Variants in SLC7A1 observed in about 807,000 individuals in gnomAD.
SLC7A1 encodes the protein solute carrier family 7 member 1.
SLC7A1 carries 10 observed loss-of-function variants against 53.9 expected under a neutral mutation model. That is an observed-to-expected ratio of 0.19 (90% CI 0.11 to 0.31). SLC7A1 has a LOEUF of 0.31. Among genes scored for constraint, SLC7A1 ranks in the 10% least tolerant of loss-of-function variants. The pLI is 1.00. For synonymous variants in SLC7A1, 342 were observed against 338.7 expected, an observed-to-expected ratio of 1.01 and a Z score of -0.11; for missense variants, 525 against 827.2, an observed-to-expected ratio of 0.63 and a Z score of 4.48.
At chr13:29,576,496 C>T (rs1871421031) in intron 1 of SLC7A1, among the ~76,000 whole-genome samples, 1 of 152,092 alleles carries the variant, frequency 6.6e-6, no homozygotes, top group Non-Finnish European at 1.5e-5. Flanking sequence ...TCCCTACATT[C>T]CAAAGGCTGA....
At chr13:29,541,468 C>A (rs1869664223) in intron 2 of SLC7A1, among the ~76,000 whole-genome samples, 1 of 152,166 alleles carries the variant, frequency 6.6e-6, no homozygotes, top group African/African-American at 2.4e-5. Context: ...GAGTCTGGTA[C>A]AATGGTAGAC....
Position 29,514,565 on chromosome 13 carries a change from C to G in SLC7A1, c.1805G>C (p.Gly602Ala). The G allele has an allele frequency of 6.2e-7, 1 of 1,609,908 alleles. No individual in the cohort carries two copies. The highest frequency in any genetic ancestry group is 8.5e-7 in the Non-Finnish European group (1 of 1,179,558). The change falls in exon 13 of 13, where the codon GGC (glycine) becomes GCC (alanine). Residue 602 changes from glycine to alanine, a missense_variant. Physicochemically the swap from Gly to Ala is moderately conservative, Grantham distance 60. Transcript: ENST00000380752. Reference sequence around the variant, plus strand: ...CTCCTCGCTGTGCCACAGGCCATAGCCAAAGTAGATGATGAAGCCTGCGGG... The same window carrying G: ...CTCCTCGCTGTGCCACAGGCCATAGGCAAAGTAGATGATGAAGCCTGCGGG... ...WMLIGFIIYF[G>A]YGLWHSEEAS...
chr13:29,538,903 G>C (rs1224549159), intron 2 of SLC7A1, among the ~76,000 whole-genome samples: 1 of 151,886 alleles, frequency 6.6e-6, no homozygotes, highest in Admixed American at 6.6e-5. Flanking sequence ...GAAAGCTCTT[G>C]TTTCGGATCT....
intron 1 of SLC7A1, among the ~76,000 whole-genome samples, chr13:29,556,243 C>G (rs1350290797): frequency 6.6e-6 from 1 of 152,094 alleles, no homozygotes; most frequent in Non-Finnish European, 1.5e-5. Flanking sequence ...AACAATGCCA[C>G]TCTTCTCACT....
At position 29,510,627 on chromosome 13, in the gene SLC7A1, C is replaced by T. The variant is rs545688945; in HGVS notation, c.*3853G>A. ...CACCACCCTGCAATTTCCCCGTCCT[C>T]GGAACTGTCTCACGAGACCACCAGC... On this transcript the variant is annotated 3_prime_UTR_variant, in exon 13 of 13. Coordinates refer to ENST00000380752, the MANE Select transcript of SLC7A1 (RefSeq NM_003045.5). 1.3e-5 allele frequency: 2 copies of T among 152,302 alleles called. No homozygotes were observed. The highest frequency in any genetic ancestry group is 1.3e-4 in the Admixed American group (2 of 15,288). 9.4% of individuals were successfully genotyped at this position (152,302 alleles called of 1,614,324 possible).
At chr13:29,522,480 G>A (rs761321477) in intron 7 of SLC7A1, 24 bp from the exon 8 acceptor site, 44 of 1,613,714 alleles carry the variant, frequency 2.7e-5, no homozygotes, top group Middle Eastern at 1.6e-4. Context: ...GGCAAACCGC[G>A]TGAGTGAACC....
intron 11 of SLC7A1, among the ~76,000 whole-genome samples, chr13:29,516,509 A>T (rs2139067128): frequency 1.3e-5 from 2 of 152,270 alleles, no homozygotes; most frequent in East Asian, 3.9e-4. Flanking sequence ...CTCCATTCTC[A>T]TTTTTCTCTG....
chr13:29,562,953 C>T (rs1489553757), intron 1 of SLC7A1, among the ~76,000 whole-genome samples: 1 of 152,232 alleles, frequency 6.6e-6, no homozygotes, highest in African/African-American at 2.4e-5. Context: ...ATGATTCATC[C>T]TTCCTTTGAG....
chr13:29,514,293 G>A lies in SLC7A1; in HGVS notation c.*187C>T, dbSNP rs1333464783. The A allele has an allele frequency of 3.4e-5, 20 of 591,778 alleles. No homozygotes were observed. In the Admixed American group the frequency reaches 4.2e-4, roughly 13 times the overall value. 36.7% of individuals were successfully genotyped at this position (591,778 alleles called of 1,614,324 possible). A position where few individuals can be genotyped will look rare whatever the true frequency, so the allele number is the denominator to read the frequency against. Reference sequence around the variant, plus strand: ...AGGCAGCTGTCTGGAGGTGACCAGGGCCCGGAGAACCGGCTGCAGAGCCGA... The same window carrying A: ...AGGCAGCTGTCTGGAGGTGACCAGGACCCGGAGAACCGGCTGCAGAGCCGA... On this transcript the variant is annotated 3_prime_UTR_variant, in exon 13 of 13. Transcript: ENST00000380752.
At chr13:29,533,064 A>G in intron 3 of SLC7A1, 82 bp from the exon 4 acceptor site, 3 of 1,388,696 alleles carry the variant, frequency 2.2e-6, no homozygotes, top group Non-Finnish European at 2.9e-6. Context: ...TGTTGATAAC[A>G]TCATTGCAGG....
At chr13:29,595,088 G>T (rs1303522723) in intron 1 of SLC7A1, among the ~76,000 whole-genome samples, 1 of 152,118 alleles carries the variant, frequency 6.6e-6, no homozygotes, top group East Asian at 1.9e-4. Flanking sequence ...AGCGGCGCGC[G>T]GGTCCCCGGA....
chr13:29,575,176 T>C (rs1002395669), intron 1 of SLC7A1, among the ~76,000 whole-genome samples: 3 of 152,222 alleles, frequency 2.0e-5, no homozygotes, highest in African/African-American at 7.2e-5. Flanking sequence ...CCCCTTTGTG[T>C]TACCGTTGCA....
At chr13:29,547,223 G>T (rs9579399) in intron 2 of SLC7A1, among the ~76,000 whole-genome samples, 13,459 of 152,174 alleles carry the variant, frequency 0.088, 622 homozygotes, top group Middle Eastern at 0.15. Context: ...TAAAAATGAA[G>T]CCCATTATTA....
At chr13:29,578,200 T>C (rs898793416) in intron 1 of SLC7A1, among the ~76,000 whole-genome samples, 2 of 152,136 alleles carry the variant, frequency 1.3e-5, no homozygotes, top group Non-Finnish European at 2.9e-5. Flanking sequence ...CAAATGAGAT[T>C]TCCCCTCTCC....
intron 5 of SLC7A1, among the ~76,000 whole-genome samples, chr13:29,527,480 CTCTT>C (rs1248673088): frequency 1.3e-5 from 2 of 152,204 alleles, no homozygotes; most frequent in Non-Finnish European, 2.9e-5. Context: ...TACTAAGGGT[CTCTT>C]TCTATGTAAT....
chr13:29,525,412 C>G (rs568806298), intron 5 of SLC7A1, among the ~76,000 whole-genome samples: 2 of 152,302 alleles, frequency 1.3e-5, no homozygotes, highest in Non-Finnish European at 2.9e-5. Context: ...ACAACCTGCC[C>G]TAAACCTTGT....
chr13:29,579,670 A>G (rs1443182702), intron 1 of SLC7A1, among the ~76,000 whole-genome samples: 1 of 152,096 alleles, frequency 6.6e-6, no homozygotes, highest in African/African-American at 2.4e-5. Context: ...TCATCAGACC[A>G]TGAAATGTTT....
chr13:29,532,628 G>T (rs1260011657), intron 4 of SLC7A1, among the ~76,000 whole-genome samples, 196 bp downstream of exon 4: 1 of 152,168 alleles, frequency 6.6e-6, no homozygotes, highest in African/African-American at 2.4e-5. Context: ...TATGAAGCAG[G>T]CCGGCCCTAT....
intron 1 of SLC7A1, among the ~76,000 whole-genome samples, chr13:29,584,201 C>A (rs1566278144): frequency 6.6e-6 from 1 of 152,008 alleles, no homozygotes. Flanking sequence ...GCAACCTCCA[C>A]CTCCTGGGCT....
Sources: gnomAD v4.1 joint callset for allele counts (sites outside exome capture counted in the v4.1 genomes callset) on GRCh38, gnomAD v4.1.1 for gene constraint, MANE v1.5 for transcripts, NCBI Gene and HGNC (gene_info 2026-07-23, HGNC 2026-07-21) for gene names.